Variants in TYW1B observed in about 807,000 individuals in gnomAD.
TYW1B encodes the protein tRNA-yW synthesizing protein 1 homolog B.
A neutral mutation model predicts 86.9 loss-of-function variants in TYW1B; 73 were observed. That is an observed-to-expected ratio of 0.84 (90% confidence interval 0.70 to 1.02). The LOEUF (loss-of-function observed/expected upper bound fraction) is 1.02. TYW1B is among the 50% of genes least tolerant of loss of function. The pLI is 0.00. For missense variants in TYW1B, 637 were observed against 827.4 expected (o/e 0.77, Z 2.82); for synonymous variants, 248 against 292.8 (o/e 0.85, Z 1.56).
At chr7:72,734,102 C>T (rs1201261017) in intron 8 of TYW1B, among the ~76,000 whole-genome samples, 4 of 151,754 alleles carry the variant, frequency 2.6e-5, no homozygotes, top group African/African-American at 9.7e-5. Flanking sequence ...AATAAAAATA[C>T]AAAAAATTGG....
chr7:72,722,233 G>A (rs568908823), intron 9 of TYW1B, among the ~76,000 whole-genome samples: 1 of 152,274 alleles, frequency 6.6e-6, no homozygotes, highest in South Asian at 2.1e-4. Context: ...AAAACCATCT[G>A]TTGGAGATCT....
chr7:72,620,345 T>A (rs576944562), intron 12 of TYW1B, among the ~76,000 whole-genome samples: 1 of 152,258 alleles, frequency 6.6e-6, no homozygotes, highest in African/African-American at 2.4e-5. Context: ...TGCAGCAAGC[T>A]GAGATAGTGC....
chr7:72,774,531 G>A (rs1458803530), intron 7 of TYW1B, among the ~76,000 whole-genome samples: 1 of 151,886 alleles, frequency 6.6e-6, no homozygotes, highest in Non-Finnish European at 1.5e-5. Context: ...GACCATCCTG[G>A]CTAACACGGT....
intron 12 of TYW1B, among the ~76,000 whole-genome samples, chr7:72,620,591 C>G (rs1554437803): frequency 6.6e-6 from 1 of 152,090 alleles, no homozygotes; most frequent in East Asian, 1.9e-4. Flanking sequence ...CCCAATGGCT[C>G]TGTCTGGTTT....
At chr7:72,727,437 C>T (rs1787020811) in intron 9 of TYW1B, among the ~76,000 whole-genome samples, 1 of 152,164 alleles carries the variant, frequency 6.6e-6, no homozygotes. Context: ...TCACCTACAG[C>T]TGTTGCTTTA....
intron 6 of TYW1B, among the ~76,000 whole-genome samples, chr7:72,797,918 G>A (rs1788332886): frequency 6.6e-6 from 1 of 151,768 alleles, no homozygotes; most frequent in South Asian, 2.1e-4. Context: ...GAATTGAATT[G>A]AACTACAGGA....
At chr7:72,686,662 A>G (rs1393213098) in intron 11 of TYW1B, among the ~76,000 whole-genome samples, 1 of 152,176 alleles carries the variant, frequency 6.6e-6, no homozygotes, top group Non-Finnish European at 1.5e-5. Flanking sequence ...ACACCCACAG[A>G]ATGTACAACC....
At chr7:72,657,965 C>T (rs1205888768) in intron 11 of TYW1B, among the ~76,000 whole-genome samples, 4 of 152,204 alleles carry the variant, frequency 2.6e-5, no homozygotes, top group African/African-American at 7.2e-5. Flanking sequence ...ATCACAAAGT[C>T]GTTAAATGGG....
chr7:72,638,767 T>G (rs1330559985), intron 11 of TYW1B, among the ~76,000 whole-genome samples: 13 of 152,230 alleles, frequency 8.5e-5, no homozygotes, highest in African/African-American at 2.9e-4. Flanking sequence ...AATCCACTAA[T>G]CAATCTTAAC....
chr7:72,578,150 G>A (rs1811070843), intron 13 of TYW1B, among the ~76,000 whole-genome samples: 3 of 139,924 alleles, frequency 2.1e-5, no homozygotes, highest in African/African-American at 8.2e-5. Context: ...GTCTCGCTCT[G>A]TCACCCAGGC....
chr7:72,760,831 A>G (rs1787674402), intron 7 of TYW1B, among the ~76,000 whole-genome samples: 1 of 152,254 alleles, frequency 6.6e-6, no homozygotes, highest in Admixed American at 6.5e-5. Context: ...CAACAAGGTT[A>G]TAAAACTATA....
intron 7 of TYW1B, among the ~76,000 whole-genome samples, chr7:72,757,720 T>A (rs554138689): frequency 6.6e-6 from 1 of 152,186 alleles, no homozygotes; most frequent in African/African-American, 2.4e-5. Context: ...GAGAGGGCTA[T>A]CATGCTTGTA....
At chr7:72,771,589 A>G (rs1376668378) in intron 7 of TYW1B, among the ~76,000 whole-genome samples, 6 of 152,288 alleles carry the variant, frequency 3.9e-5, no homozygotes, top group African/African-American at 1.4e-4. Context: ...AACAAAAAAA[A>G]CCTGCAAAGC....
In TYW1B at chr7:72,726,664, T is replaced by A. The variant is rs149832604; in HGVS notation, c.1192+2158A>T. 2.7e-3 allele frequency among the ~76,000 whole-genome samples: 415 copies of A among 152,244 alleles called. 3 individuals carry two copies. Among genetic ancestry groups the A allele is most frequent in the African/African-American group, 9.7e-3 (405 of 41,554 alleles). Reference sequence around the variant, plus strand: ...CAAGCGTGAGGCACCGTGCCGAGCCTACTGAATAATTATCTTTTATAAATT... The same window carrying A: ...CAAGCGTGAGGCACCGTGCCGAGCCAACTGAATAATTATCTTTTATAAATT... On this transcript the variant is annotated intron_variant, in intron 9 of 13. Transcript: ENST00000620995.
intron 10 of TYW1B, among the ~76,000 whole-genome samples, chr7:72,697,432 C>A (rs1814349160): frequency 6.6e-6 from 1 of 152,056 alleles, no homozygotes. Context: ...AGGAAAAGGT[C>A]CCCAGGAATT....
chr7:72,771,849 A>ATT (rs781905339), intron 7 of TYW1B, among the ~76,000 whole-genome samples: 1 of 143,150 alleles, frequency 7.0e-6, no homozygotes. Context: ...TAAAGAAATG[A>ATT]TTTTTTTTTT....
chr7:72,735,645 A>G (rs1554460881), intron 8 of TYW1B, among the ~76,000 whole-genome samples: 2 of 151,846 alleles, frequency 1.3e-5, no homozygotes, highest in African/African-American at 4.8e-5. Context: ...CAAGGGAGGC[A>G]GATCACCTGA....
intron 11 of TYW1B, among the ~76,000 whole-genome samples, chr7:72,686,629 T>C (rs1371072968): frequency 3.9e-5 from 6 of 152,140 alleles, no homozygotes; most frequent in Admixed American, 1.3e-4. Context: ...TAATGGTGGA[T>C]ACATGTCACT....
chr7:72,758,758 T>C (rs186685513), intron 7 of TYW1B, among the ~76,000 whole-genome samples: 65 of 152,294 alleles, frequency 4.3e-4, no homozygotes, highest in Admixed American at 9.8e-4. Context: ...CTTTTTACCT[T>C]TTCTGGAAAG....
Sources: gnomAD v4.1 joint callset for allele counts (sites outside exome capture counted in the v4.1 genomes callset) on GRCh38, gnomAD v4.1.1 for gene constraint, MANE v1.5 for transcripts, NCBI Gene and HGNC (gene_info 2026-07-23, HGNC 2026-07-21) for gene names.